Variants in INPP5A observed in about 807,000 individuals in gnomAD.
The protein encoded by INPP5A is 43 kDa inositol polyphosphate 5-phophatase.
A neutral mutation model predicts 65.2 loss-of-function variants in INPP5A; 14 were observed. The observed-to-expected ratio is 0.21, with a 90% CI of 0.14 to 0.34. The LOEUF (loss-of-function observed/expected upper bound fraction) is 0.34. Ranked by LOEUF, INPP5A falls within the 10% of genes least tolerant of loss-of-function variation. The pLI, the probability that INPP5A is intolerant of heterozygous loss-of-function variation, is 1.00. For synonymous variants in INPP5A, 207 were observed against 208.3 expected (o/e 0.99, Z 0.05); for missense variants, 431 against 545.6 (o/e 0.79, Z 2.09).
intron 2 of INPP5A, among the ~76,000 whole-genome samples, chr10:132,641,315 G>A (rs1389544564): frequency 6.6e-6 from 1 of 152,138 alleles, no homozygotes; most frequent in African/African-American, 2.4e-5. Context: ...AGACTCTCAG[G>A]CTCATTATGT....
At chr10:132,749,459 C>T (rs966985385) in intron 9 of INPP5A, 58 bp from the exon 10 acceptor site, 53 of 1,481,822 alleles carry the variant, frequency 3.6e-5, no homozygotes, top group Admixed American at 1.0e-4. Context: ...TGTCGGGTGA[C>T]GCTGCCATGG....
chr10:132,732,900 G>A (rs1009221129), intron 9 of INPP5A, among the ~76,000 whole-genome samples: 11 of 152,166 alleles, frequency 7.2e-5, no homozygotes, highest in Non-Finnish European at 1.0e-4. Flanking sequence ...TCCTGTCTCC[G>A]TGTGGGGAGA....
At position 132,705,874 on chromosome 10, in the gene INPP5A, C is replaced by T. The variant is rs1845530445; in HGVS notation, c.475-2439C>T. On this transcript the variant is annotated intron_variant, in intron 6 of 15. Transcript: ENST00000368594. The surrounding 1 kb of genome is among the most constrained non-coding windows in gnomAD (Gnocchi z 4.9). ...GCGCCTCTCACTCCCCAGGAGACTG[C>T]AAACCAAGAACGTCTATGAGACGAG... Among the ~76,000 whole-genome samples, 1 of 152,174 alleles carries T rather than the reference C, an allele frequency of 6.6e-6. No individual in the cohort carries two copies. Among genetic ancestry groups the T allele is most frequent in the Non-Finnish European group, 1.5e-5 (1 of 68,042 alleles).
intron 12 of INPP5A, among the ~76,000 whole-genome samples, chr10:132,772,587 G>A: frequency 9.3e-6 from 1 of 107,586 alleles, no homozygotes; most frequent in Non-Finnish European, 2.0e-5. Context: ...GAGTGGGACA[G>A]ACACTCAGCA....
chr10:132,781,545 G>A (rs117807294), intron 14 of INPP5A, among the ~76,000 whole-genome samples: 2,704 of 152,346 alleles, frequency 0.018, 40 homozygotes, highest in South Asian at 0.039. Flanking sequence ...TTCCTTCCCC[G>A]CTTCATTTGG....
At chr10:132,649,761 A>C (rs1213336951) in intron 3 of INPP5A, among the ~76,000 whole-genome samples, 1 of 152,156 alleles carries the variant, frequency 6.6e-6, no homozygotes, top group Admixed American at 6.5e-5. Flanking sequence ...TCCTCCGTTC[A>C]TGGGCTCCAG....
At chr10:132,548,446 G>A (rs1411568402) in intron 1 of INPP5A, among the ~76,000 whole-genome samples, 1 of 152,196 alleles carries the variant, frequency 6.6e-6, no homozygotes, top group African/African-American at 2.4e-5. Context: ...GGGGTGTTCC[G>A]AGATCTGGTT....
At chr10:132,726,323 C>T (rs892360697) in intron 8 of INPP5A, among the ~76,000 whole-genome samples, 9 of 152,336 alleles carry the variant, frequency 5.9e-5, no homozygotes, top group South Asian at 2.1e-4. Flanking sequence ...GCGGGGGCTC[C>T]GGTTCCTGCC....
chr10:132,756,227 GTGTA>G (rs1846608505), intron 11 of INPP5A, among the ~76,000 whole-genome samples: 1 of 152,104 alleles, frequency 6.6e-6, no homozygotes, highest in Admixed American at 6.5e-5. Context: ...ACTTTGTGTG[GTGTA>G]TGTATGCGTG....
Position 132,780,841 on chromosome 10 carries a change from C to G in INPP5A, c.1090-8C>G. ...CCCCACACTCACCTGTCTGTTTCCC[C>G]TTTCCAGTCGGAGAGCGAGGAGAAG... On this transcript the variant is annotated splice_region_variant and splice_polypyrimidine_tract_variant and intron_variant, in intron 13 of 15. Coordinates refer to ENST00000368594, the MANE Select transcript of INPP5A (RefSeq NM_005539.5). The G allele has an allele frequency of 1.2e-6, 2 of 1,613,034 alleles. No homozygotes were observed. The highest frequency in any genetic ancestry group is 1.7e-6 in the Non-Finnish European group (2 of 1,179,602).
intron 2 of INPP5A, among the ~76,000 whole-genome samples, chr10:132,625,261 G>A (rs1221748313): frequency 1.3e-5 from 2 of 150,114 alleles, no homozygotes; most frequent in African/African-American, 4.9e-5. Flanking sequence ...TCAACCCAAG[G>A]CTTTCCCTAC....
rs1006114901 is a variant in INPP5A, at chr10:132,675,596, G to A, written c.307-14796G>A. On this transcript the variant is annotated intron_variant, in intron 4 of 15. Transcript: ENST00000368594. This position sits in a 1 kb window ranked among gnomAD's most constrained non-coding sequence, Gnocchi z 4.2. ...GGCCTTGCCGTGCCCGGGAGAGTGA[G>A]GGTAACGGACATTCCCACGGGGATA... Among the ~76,000 whole-genome samples the A allele has an allele frequency of 4.6e-5, 7 of 151,784 alleles. No individual in the cohort carries two copies. Among genetic ancestry groups the A allele is most frequent in the African/African-American group, 1.7e-4 (7 of 41,182 alleles).
intron 2 of INPP5A, among the ~76,000 whole-genome samples, chr10:132,614,019 G>T (rs1176972679): frequency 6.6e-6 from 1 of 152,258 alleles, no homozygotes; most frequent in Non-Finnish European, 1.5e-5. Flanking sequence ...TCCCTGTAGA[G>T]AGTGCAGGAG....
chr10:132,754,633 C>A (rs1215989790), intron 11 of INPP5A, among the ~76,000 whole-genome samples: 1 of 152,232 alleles, frequency 6.6e-6, no homozygotes, highest in African/African-American at 2.4e-5. Flanking sequence ...AAACTGGGGG[C>A]CTTCTAACTC....
chr10:132,608,524 C>G (rs959435684), intron 2 of INPP5A, among the ~76,000 whole-genome samples: 19 of 152,238 alleles, frequency 1.2e-4, no homozygotes, highest in Non-Finnish European at 2.8e-4. Flanking sequence ...AGGCTGGTGC[C>G]CTCGCAGGTC....
chr10:132,730,323 T>C (rs1846061520), intron 9 of INPP5A, among the ~76,000 whole-genome samples: 1 of 152,178 alleles, frequency 6.6e-6, no homozygotes, highest in Non-Finnish European at 1.5e-5. Context: ...GTGTCCTGCT[T>C]GCCGGGGCCA....
chr10:132,776,698 A>C (rs1445817687), intron 12 of INPP5A, among the ~76,000 whole-genome samples: 1 of 152,188 alleles, frequency 6.6e-6, no homozygotes, highest in Admixed American at 6.5e-5. Context: ...TTACCACTTC[A>C]GTGCAGTCCC....
At chr10:132,699,297 G>C (rs1047321897) in intron 6 of INPP5A, among the ~76,000 whole-genome samples, 39 of 150,856 alleles carry the variant, frequency 2.6e-4, no homozygotes, top group African/African-American at 9.5e-4. Context: ...ACCCGGGCAA[G>C]GCTCTCATCT....
In INPP5A at chr10:132,727,028, T is replaced by A; in HGVS notation, c.732+123T>A. The A allele has an allele frequency of 1.7e-6, 1 of 590,910 alleles. No individual in the cohort carries two copies. Among genetic ancestry groups the A allele is most frequent in the East Asian group, 2.9e-5 (1 of 33,996 alleles). The allele number at this position is 590,910 out of a possible 1,614,324, so 36.6% of individuals were successfully genotyped here. A position where few individuals can be genotyped will look rare whatever the true frequency, so the allele number is the denominator to read the frequency against. ...CATCCGCCTCCCGGGATGCACTTTT[T>A]AAGGCAAAACCTTTCAATGAAGAAG... On this transcript the variant is annotated intron_variant, in intron 9 of 15. Transcript: ENST00000368594. The surrounding 1 kb of genome is among the most constrained non-coding windows in gnomAD (Gnocchi z 6.5).
Sources: gnomAD v4.1 joint callset for allele counts (sites outside exome capture counted in the v4.1 genomes callset) on GRCh38, gnomAD v4.1.1 for gene constraint, Gnocchi (gnomAD v3.1) non-coding constraint, MANE v1.5 for transcripts, NCBI Gene and HGNC (gene_info 2026-07-23, HGNC 2026-07-21) for gene names.